Variants in AMZ1 observed in about 807,000 individuals in gnomAD.
AMZ1 encodes archaemetzincin-1.
In AMZ1, 39 loss-of-function variants were observed where a neutral mutation model predicts 29.9. That is an observed-to-expected ratio of 1.30 (90% CI 1.01 to 1.70). The LOEUF is 1.70. Ranked by LOEUF, AMZ1 falls within the 40% of genes most tolerant of loss-of-function variation. The probability of loss-of-function intolerance (pLI) is 0.00; values close to 1 mark genes in which losing one functional copy is unlikely to be tolerated. For synonymous variants in AMZ1, 458 were observed against 304.0 expected, an observed-to-expected ratio of 1.51 and a Z score of -5.27; for missense variants, 1,041 against 680.6, an observed-to-expected ratio of 1.53 and a Z score of -5.89.
rs549033984 is a variant in AMZ1, at chr7:2,711,479, T to C, written c.949-851T>C. On this transcript the variant is annotated intron_variant, in intron 6 of 6. Transcript: ENST00000683327. ...GAACAGATGTGCAGTGGGACCTTGT[T>C]AAACTGTGTGTCCCCTGTACAGATG... Among the ~76,000 whole-genome samples, 11 of 152,344 alleles carry C rather than the reference T, an allele frequency of 7.2e-5. No individual in the cohort carries two copies. The South Asian group carries it at 2.1e-3, about 29-fold the overall frequency.
At position 2,718,537 on chromosome 7, in the gene AMZ1, C is replaced by T. The variant is rs1562381550; in HGVS notation, c.*5659C>T. ...CTGGTGGCAGCCGCGGGCGCCCACT[C>T]ACCTGGCACGTGGACGAAGGTGATG... On this transcript the variant is annotated 3_prime_UTR_variant, in exon 7 of 7. Coordinates refer to ENST00000683327, the MANE Select transcript of AMZ1 (RefSeq NM_001384743.1). Among the ~76,000 whole-genome samples, 1 of 152,220 alleles carries T rather than the reference C, an allele frequency of 6.6e-6. No individual in the cohort carries two copies. Among genetic ancestry groups the T allele is most frequent in the African/African-American group, 2.4e-5 (1 of 41,454 alleles).
In AMZ1 at chr7:2,702,796, C is replaced by G. The variant is rs148451900; in HGVS notation, c.379C>G (p.Leu127Val). 3.2e-6 allele frequency: 5 copies of G among 1,546,228 alleles called. No homozygotes were observed. Among genetic ancestry groups the G allele is most frequent in the Non-Finnish European group, 4.4e-6 (5 of 1,148,770 alleles). ...CSCTEAFFLG[L>V]RVKCLPSVAA... The stretch of plus-strand genomic sequence containing the variant: ...CTGCACAGAGGCCTTCTTCCTGGGC[C>G]TGCGCGTCAAGTGCCTGCCGTCGGT... Residue 127 changes from leucine (L) to valine (V), a missense_variant, in exon 3 of 7, where the codon CTG becomes GTG. Physicochemically the swap from Leu to Val is conservative, Grantham distance 32. Coordinates refer to ENST00000683327, the MANE Select transcript of AMZ1 (RefSeq NM_001384743.1).
chr7:2,760,393 A>G (rs1791501360), upstream of AMZ1: 1 of 152,522 alleles, frequency 6.6e-6, no homozygotes, highest in Non-Finnish European at 1.5e-5. Flanking sequence ...CTCACTGCCA[A>G]TCACCCAGGA....
chr7:2,687,940 C>T (rs998222673), upstream of AMZ1, among the ~76,000 whole-genome samples: 1 of 152,242 alleles, frequency 6.6e-6, no homozygotes, highest in Non-Finnish European at 1.5e-5. Flanking sequence ...TTACTCCTCT[C>T]ACCTGGGGAG....
intron 1 of AMZ1, among the ~76,000 whole-genome samples, chr7:2,694,177 C>G (rs1374006822): frequency 6.6e-6 from 1 of 152,186 alleles, no homozygotes; most frequent in Non-Finnish European, 1.5e-5. Context: ...CTGCCCTCCC[C>G]AAGTGGCTGG....
chr7:2,702,635 C>G, intron 2 of AMZ1, 87 bp from the exon 3 acceptor site: 4 of 1,417,812 alleles, frequency 2.8e-6, no homozygotes, highest in Non-Finnish European at 3.7e-6. Context: ...GTTCACCCAG[C>G]AGGCCGGTGT....
At position 2,708,613 on chromosome 7, in the gene AMZ1, C is replaced by A. The variant is rs140944402; in HGVS notation, c.498C>A (p.Asn166Lys). The change falls in exon 4 of 7, where the codon AAC becomes AAA. Residue 166 changes from asparagine (N) to lysine (K), a missense_variant. By Grantham distance (94) the Asn-to-Lys change is moderately conservative. Coordinates refer to ENST00000683327, the MANE Select transcript of AMZ1 (RefSeq NM_001384743.1). The part of the protein sequence containing the change: ...HTDGILSFLK[N>K]NKPGDALCVL... ...ACGGCATCCTGTCCTTCTTGAAGAA[C>A]AACAAGCCAGGGGACGCGCTGTGTG... 6.2e-6 allele frequency: 10 copies of A among 1,612,790 alleles called. No individual in the cohort carries two copies. The highest frequency in any genetic ancestry group is 3.3e-5 in the South Asian group (3 of 91,086).
In AMZ1 at chr7:2,718,101, C is replaced by G. The variant is rs547854036; in HGVS notation, c.*5223C>G. ...GAGCTCTCGCAAGATTAACCAGAGA[C>G]GACACCTACCAGATTCCACCACTGA... On this transcript the variant is annotated 3_prime_UTR_variant, in exon 7 of 7. Coordinates refer to ENST00000683327, the MANE Select transcript of AMZ1 (RefSeq NM_001384743.1). Among the ~76,000 whole-genome samples, 1 of 152,186 alleles carries G rather than the reference C, an allele frequency of 6.6e-6. No homozygotes were observed. Among genetic ancestry groups the G allele is most frequent in the Admixed American group, 6.5e-5 (1 of 15,292 alleles).
intron 4 of AMZ1, chr7:2,728,341 T>A (rs1307820892): frequency 6.6e-6 from 1 of 151,960 alleles, no homozygotes; most frequent in Non-Finnish European, 1.5e-5. Context: ...TTTCAAGAGT[T>A]TTTTTTTTCA....
intron 4 of AMZ1, among the ~76,000 whole-genome samples, chr7:2,740,464 C>T (rs1028210476): frequency 1.3e-5 from 2 of 152,176 alleles, no homozygotes; most frequent in Admixed American, 6.5e-5. Context: ...CCTCCCTCAC[C>T]AGAACCTGAT....
At chr7:2,711,322 C>T (rs987643400) in intron 6 of AMZ1, among the ~76,000 whole-genome samples, 1 of 152,216 alleles carries the variant, frequency 6.6e-6, no homozygotes, top group Non-Finnish European at 1.5e-5. Context: ...CTGCTGTCCA[C>T]TGACAGCAAT....
At chr7:2,695,301 C>G (rs1787645306) in intron 1 of AMZ1, among the ~76,000 whole-genome samples, 1 of 152,280 alleles carries the variant, frequency 6.6e-6, no homozygotes, top group Middle Eastern at 3.4e-3. Flanking sequence ...GAGTGAGACC[C>G]ACGCTGGAGT....
intron 4 of AMZ1, among the ~76,000 whole-genome samples, chr7:2,758,948 C>T (rs1791427772): frequency 6.6e-6 from 1 of 151,938 alleles, no homozygotes; most frequent in South Asian, 2.1e-4. Context: ...CGAGACCAGC[C>T]TCCTGATATG....
rs1787766741 is a variant in AMZ1, at chr7:2,696,667, CT to C, written c.-218-3565del. Among the ~76,000 whole-genome samples, 8 of 151,792 alleles carry C rather than the reference CT, an allele frequency of 5.3e-5. No homozygotes were observed. The South Asian group carries it at 1.7e-3, about 31-fold the overall frequency. The stretch of plus-strand genomic sequence containing the variant: ...TGGGAGGCTGAGGTGGGCAGATCAC[CT>C]TGAGGTCAGGAGTTCAAGACCAACC... On this transcript the variant is annotated intron_variant, in intron 1 of 6. Coordinates refer to ENST00000683327, the MANE Select transcript of AMZ1 (RefSeq NM_001384743.1).
exon 1 of AMZ1, chr7:2,764,620 G>C (rs1421822563): frequency 6.6e-6 from 1 of 152,260 alleles, no homozygotes; most frequent in Non-Finnish European, 1.5e-5. Context: ...GCCAGGGCCT[G>C]TCAGCTGGTC....
intron 4 of AMZ1, among the ~76,000 whole-genome samples, chr7:2,745,097 A>G (rs1790701489): frequency 6.6e-6 from 1 of 152,260 alleles, no homozygotes; most frequent in African/African-American, 2.4e-5. Context: ...AACACTCTGC[A>G]GGATATTATC....
At chr7:2,749,478 G>C (rs1020984393) in intron 4 of AMZ1, among the ~76,000 whole-genome samples, 2 of 150,180 alleles carry the variant, frequency 1.3e-5, no homozygotes, top group East Asian at 3.9e-4. Context: ...ACATGGACAC[G>C]GGAAGGGGAA....
chr7:2,747,700 G>A (rs112855295), intron 4 of AMZ1, among the ~76,000 whole-genome samples: 244 of 152,218 alleles, frequency 1.6e-3, no homozygotes, highest in African/African-American at 5.5e-3. Context: ...GAAATAAAGG[G>A]TATTCAATTA....
intron 4 of AMZ1, among the ~76,000 whole-genome samples, chr7:2,753,954 G>C (rs1232126121): frequency 6.6e-6 from 1 of 152,140 alleles, no homozygotes; most frequent in South Asian, 2.1e-4. Context: ...TGTAGGTCCG[G>C]CGGCGCATCT....
Sources: gnomAD v4.1 joint callset for allele counts (sites outside exome capture counted in the v4.1 genomes callset) on GRCh38, gnomAD v4.1.1 for gene constraint, MANE v1.5 for transcripts, NCBI Gene and HGNC (gene_info 2026-07-23, HGNC 2026-07-21) for gene names.